Variants in TMEM132C observed in about 807,000 individuals in gnomAD.
The protein encoded by TMEM132C is protein phosphatase 1, regulatory subunit 152.
TMEM132C carries 29 observed loss-of-function variants against 61.4 expected under a neutral mutation model. The observed-to-expected ratio is 0.47, with a 90% CI of 0.35 to 0.64. The LOEUF (loss-of-function observed/expected upper bound fraction) is 0.64, where lower values mean the gene tolerates loss of function less well. Ranked by LOEUF, TMEM132C falls within the 30% of genes least tolerant of loss-of-function variation. TMEM132C has a pLI of 0.00. For missense variants in TMEM132C, 1,408 were observed against 1,476.9 expected (o/e 0.95, Z 0.76); for synonymous variants, 656 against 633.1 (o/e 1.04, Z -0.54).
intron 2 of TMEM132C, among the ~76,000 whole-genome samples, chr12:128,526,721 G>T (rs1311018922): frequency 1.3e-5 from 2 of 152,192 alleles, no homozygotes; most frequent in African/African-American, 4.8e-5. Flanking sequence ...CCTAAGGTGG[G>T]ATTTGAGTGG....
intron 3 of TMEM132C, among the ~76,000 whole-genome samples, chr12:128,609,564 G>T (rs564486583): frequency 1.4e-4 from 21 of 152,002 alleles, no homozygotes; most frequent in African/African-American, 4.3e-4. Flanking sequence ...AGCCTGTTTG[G>T]CTTTTCAAAT....
chr12:128,613,659 G>A (rs1282604532), intron 3 of TMEM132C, among the ~76,000 whole-genome samples: 1 of 152,106 alleles, frequency 6.6e-6, no homozygotes, highest in African/African-American at 2.4e-5. Context: ...CCCTGTTCCC[G>A]GCCCTGTGAA....
At chr12:128,464,475 T>C (rs1870651422) in intron 2 of TMEM132C, among the ~76,000 whole-genome samples, 2 of 152,062 alleles carry the variant, frequency 1.3e-5, no homozygotes, top group Admixed American at 1.3e-4. Flanking sequence ...GAATGTAGCA[T>C]GGTGGCTCAC....
At chr12:128,333,137 T>C (rs969778191) in intron 1 of TMEM132C, among the ~76,000 whole-genome samples, 11 of 152,108 alleles carry the variant, frequency 7.2e-5, no homozygotes, top group African/African-American at 2.7e-4. Context: ...TTTTTATGTG[T>C]ATGTGTGTGC....
intron 8 of TMEM132C, among the ~76,000 whole-genome samples, chr12:128,700,431 A>T (rs536396939): frequency 6.6e-6 from 1 of 152,170 alleles, no homozygotes; most frequent in Non-Finnish European, 1.5e-5. Flanking sequence ...TGGCAAGTCA[A>T]CGGTGTTCTG....
chr12:128,378,066 G>A (rs1313996188), intron 1 of TMEM132C, among the ~76,000 whole-genome samples: 5 of 152,020 alleles, frequency 3.3e-5, no homozygotes, highest in Non-Finnish European at 7.4e-5. Flanking sequence ...GGTTGTTACT[G>A]TGCCCGTTTT....
chr12:128,543,790 G>A (rs572380483), intron 2 of TMEM132C, among the ~76,000 whole-genome samples, 167 bp from the exon 3 acceptor site: 39 of 152,092 alleles, frequency 2.6e-4, no homozygotes, highest in African/African-American at 8.0e-4. Flanking sequence ...GATCCCGCTC[G>A]CCCTGCCCTG....
At position 128,707,158 on chromosome 12, in the gene TMEM132C, C is replaced by G. The variant is rs891670411; in HGVS notation, c.*863C>G. 1.3e-5 allele frequency: 2 copies of G among 152,136 alleles called. No homozygotes were observed. The highest frequency in any genetic ancestry group is 4.8e-5 in the African/African-American group (2 of 41,398). 9.4% of individuals were successfully genotyped at this position (152,136 alleles called of 1,614,324 possible). A position where few individuals can be genotyped will look rare whatever the true frequency, so the allele number is the denominator to read the frequency against. ...AGGAACTGTCCTTAATCCATCACCA[C>G]TACCATAGGGCAAAGCCAGCAGGTG... is the stretch of plus-strand genomic sequence containing the variant. On this transcript the variant is annotated 3_prime_UTR_variant, in exon 9 of 9. Coordinates refer to ENST00000435159, the MANE Select transcript of TMEM132C (RefSeq NM_001136103.3).
At chr12:128,555,777 C>T (rs567849829) in intron 3 of TMEM132C, among the ~76,000 whole-genome samples, 11 of 151,584 alleles carry the variant, frequency 7.3e-5, no homozygotes, top group Admixed American at 5.9e-4. Context: ...TGCAGTGGCA[C>T]GGTCATGGCT....
At chr12:128,378,119 G>A (rs200468672) in intron 1 of TMEM132C, among the ~76,000 whole-genome samples, 2 of 145,364 alleles carry the variant, frequency 1.4e-5, no homozygotes, top group South Asian at 4.5e-4. Flanking sequence ...GTTTTTTTTT[G>A]TTTTTTTTTT....
intron 2 of TMEM132C, among the ~76,000 whole-genome samples, chr12:128,531,238 C>T (rs1270393895): frequency 6.6e-6 from 1 of 152,006 alleles, no homozygotes; most frequent in Non-Finnish European, 1.5e-5. Context: ...CTCTGAGATC[C>T]AGCATTTGAT....
chr12:128,343,054 T>C (rs1246829879), intron 1 of TMEM132C, among the ~76,000 whole-genome samples: 1 of 152,118 alleles, frequency 6.6e-6, no homozygotes, highest in Non-Finnish European at 1.5e-5. Context: ...AAGAGAAGTT[T>C]AGGGTGACAG....
intron 3 of TMEM132C, among the ~76,000 whole-genome samples, chr12:128,579,229 G>A (rs188813815): frequency 6.6e-6 from 1 of 152,238 alleles, no homozygotes; most frequent in South Asian, 2.1e-4. Flanking sequence ...ACATGAAGAA[G>A]GCCCTTGCTC....
intron 4 of TMEM132C, among the ~76,000 whole-genome samples, chr12:128,621,390 G>T (rs1953961136): frequency 6.6e-6 from 1 of 152,216 alleles, no homozygotes; most frequent in African/African-American, 2.4e-5. Flanking sequence ...AGGAGACAGA[G>T]ATTTGAACAT....
chr12:128,665,862 C>T (rs867021656), intron 4 of TMEM132C, among the ~76,000 whole-genome samples: 81 of 134,250 alleles, frequency 6.0e-4, no homozygotes, highest in South Asian at 1.7e-3. Context: ...CACACACATA[C>T]ACACAGGCAC....
At position 128,630,653 on chromosome 12, in the gene TMEM132C, T is replaced by C. The variant is rs909620047; in HGVS notation, c.1305+14318T>C. Among the ~76,000 whole-genome samples, 5 of 152,308 alleles carry C rather than the reference T, an allele frequency of 3.3e-5. No homozygotes were observed. The highest frequency in any genetic ancestry group is 1.2e-4 in the African/African-American group (5 of 41,574). ...ATGCCCAGAGGCTCGGGAACTTGGC[T>C]GTGTCCACTCCCTAGTCCTCACCTT... On this transcript the variant is annotated intron_variant, in intron 4 of 8. Coordinates refer to ENST00000435159, the MANE Select transcript of TMEM132C (RefSeq NM_001136103.3). The surrounding 1 kb of genome is among the most constrained non-coding windows in gnomAD (Gnocchi z 4.3).
rs1872525433 is a variant in TMEM132C, at chr12:128,326,597, T to C, written c.85+59110T>C. 6.6e-6 allele frequency among the ~76,000 whole-genome samples: 1 copy of C among 152,112 alleles called. No homozygotes were observed. Among genetic ancestry groups the C allele is most frequent in the Admixed American group, 6.5e-5 (1 of 15,280 alleles). On this transcript the variant is annotated intron_variant, in intron 1 of 8. Transcript: ENST00000435159. This position sits in a 1 kb window ranked among gnomAD's most constrained non-coding sequence, Gnocchi z 5.6. ...TAGCCCCAGGAAAAGAAAATGTGCT[T>C]GGAGACAGCTCCTGCAAAGCCCCAG...
rs934248177 is a variant in TMEM132C, at chr12:128,401,310, C to T, written c.86-13422C>T. Among the ~76,000 whole-genome samples, 10 of 152,126 alleles carry T rather than the reference C, an allele frequency of 6.6e-5. No homozygotes were observed. In the South Asian group the frequency reaches 1.0e-3, roughly 16 times the overall value. ...ACCCTCACCTTTATGAGCCATGAAA[C>T]GAAATCTCTGATTTGATAACCTTCA... On this transcript the variant is annotated intron_variant, in intron 1 of 8. Coordinates refer to ENST00000435159, the MANE Select transcript of TMEM132C (RefSeq NM_001136103.3).
At chr12:128,465,357 C>G (rs1434894399) in intron 2 of TMEM132C, among the ~76,000 whole-genome samples, 1 of 150,984 alleles carries the variant, frequency 6.6e-6, no homozygotes, top group Admixed American at 6.6e-5. Flanking sequence ...TGCCACCACG[C>G]CCAGCTAATT....
Sources: gnomAD v4.1 joint callset for allele counts (sites outside exome capture counted in the v4.1 genomes callset) on GRCh38, gnomAD v4.1.1 for gene constraint, Gnocchi (gnomAD v3.1) non-coding constraint, MANE v1.5 for transcripts, NCBI Gene and HGNC (gene_info 2026-07-23, HGNC 2026-07-21) for gene names.